The following FSD1L variants were observed in gnomAD, a reference collection of about 807,000 sequenced individuals.
FSD1L encodes the protein fibronectin type III and SPRY domain containing 1 like.
In FSD1L, 45 loss-of-function variants were observed where a neutral mutation model predicts 71.6. The ratio of observed to expected loss-of-function variants is 0.63; its 90% CI spans 0.49 to 0.81. The LOEUF is 0.81. FSD1L is among the 30% of genes least tolerant of loss of function. The pLI is 0.00. For synonymous variants in FSD1L, 197 were observed against 207.2 expected, an observed-to-expected ratio of 0.95 and a Z score of 0.42; for missense variants, 561 against 618.1, an observed-to-expected ratio of 0.91 and a Z score of 0.98.
intron 7 of FSD1L, among the ~76,000 whole-genome samples, chr9:105,501,463 A>G (rs1248335438): frequency 1.3e-5 from 2 of 151,938 alleles, no homozygotes; most frequent in African/African-American, 4.8e-5. Context: ...TTTCTCTATC[A>G]CCCAGGCTGG....
At chr9:105,451,576 G>C (rs986925465) in intron 1 of FSD1L, among the ~76,000 whole-genome samples, 1 of 152,224 alleles carries the variant, frequency 6.6e-6, no homozygotes, top group Non-Finnish European at 1.5e-5. Context: ...TAGGCATACT[G>C]TTGGATACAG....
At chr9:105,545,466 T>C (rs1836933241) in intron 13 of FSD1L, among the ~76,000 whole-genome samples, 2 of 146,946 alleles carry the variant, frequency 1.4e-5, no homozygotes, top group Admixed American at 6.7e-5. Flanking sequence ...CTATGTTGAA[T>C]AGGAGTGGTG....
At chr9:105,544,928 A>G (rs1257470139) in intron 13 of FSD1L, among the ~76,000 whole-genome samples, 6 of 152,272 alleles carry the variant, frequency 3.9e-5, no homozygotes, top group Middle Eastern at 3.4e-3. Flanking sequence ...TTGGTTCCAT[A>G]TTAACTTTAA....
chr9:105,454,842 T>C (rs1830267298), intron 1 of FSD1L, among the ~76,000 whole-genome samples: 1 of 152,238 alleles, frequency 6.6e-6, no homozygotes, highest in African/African-American at 2.4e-5. Context: ...TCTCAGCTGG[T>C]AAGCTAGACA....
the FSD1L span, among the ~76,000 whole-genome samples, chr9:105,442,691 G>GA: frequency 8.8e-4 from 124 of 140,890 alleles, no homozygotes; most frequent in Middle Eastern, 3.7e-3. Context: ...CTGTCTCAAA[G>GA]AAAAAAAAAA....
chr9:105,517,393 A>G (rs1291121973), intron 10 of FSD1L, among the ~76,000 whole-genome samples: 2 of 151,396 alleles, frequency 1.3e-5, no homozygotes, highest in Non-Finnish European at 3.0e-5. Flanking sequence ...CTAGGTTGAA[A>G]TGAAGGGCAG....
At chr9:105,447,867 G>A (rs927967336), upstream of FSD1L, 21 of 399,126 alleles carry the variant, frequency 5.3e-5, no homozygotes, top group Admixed American at 1.4e-4. Context: ...CGGAGAGACC[G>A]CTATCGCTGG....
chr9:105,521,920 A>T, intron 10 of FSD1L: 1 of 1,612,524 alleles, frequency 6.2e-7, no homozygotes. Context: ...GAACACACAG[A>T]TATGTGTAAA....
At chr9:105,451,611 A>G (rs1010427907) in intron 1 of FSD1L, among the ~76,000 whole-genome samples, 2 of 152,202 alleles carry the variant, frequency 1.3e-5, no homozygotes, top group African/African-American at 4.8e-5. Context: ...AACTCCTGGA[A>G]ATAAACAGAG....
chr9:105,451,860 C>G (rs1054845133), intron 1 of FSD1L, among the ~76,000 whole-genome samples: 1 of 152,122 alleles, frequency 6.6e-6, no homozygotes, highest in Non-Finnish European at 1.5e-5. Context: ...ACTTTTTGTA[C>G]AGATTATTCA....
intron 10 of FSD1L, chr9:105,521,459 T>A: frequency 6.2e-7 from 1 of 1,613,744 alleles, no homozygotes; most frequent in Non-Finnish European, 8.5e-7. Context: ...GAGTTTTTTC[T>A]TCTAAAAGGA....
chr9:105,521,551 T>C, intron 10 of FSD1L: 2 of 1,613,702 alleles, frequency 1.2e-6, no homozygotes, highest in Non-Finnish European at 1.7e-6. Flanking sequence ...AGAAAAGTGG[T>C]AAAAGTATAT....
rs1837152384 is a variant in FSD1L at position 105,548,884 on chromosome 9, G to GTTTT, written c.*2403_*2406dup. 6.6e-6 allele frequency: 1 copy of GTTTT among 151,950 alleles called. No homozygotes were observed. The highest frequency in any genetic ancestry group is 6.6e-5 in the Admixed American group (1 of 15,244). The allele number at this position is 151,950 out of a possible 1,614,324, so 9.4% of individuals were successfully genotyped here. ...CAAGATGTGGTTTTTTGTTTAAGACGTTTTTAGTTTATTTGTTGTTAAGTT... is the reference window on the plus strand; with the variant it reads ...CAAGATGTGGTTTTTTGTTTAAGACGTTTTTTTTTAGTTTATTTGTTGTTAAGTT... On this transcript the variant is annotated 3_prime_UTR_variant, in exon 14 of 14. Transcript: ENST00000481272.
intron 10 of FSD1L, among the ~76,000 whole-genome samples, chr9:105,518,339 C>T (rs1834869267): frequency 1.3e-5 from 2 of 152,150 alleles, no homozygotes; most frequent in Non-Finnish European, 1.5e-5. Context: ...ACTCTCCACC[C>T]GAAATCAACA....
intron 6 of FSD1L, among the ~76,000 whole-genome samples, chr9:105,483,873 A>G (rs1168142255): frequency 6.6e-6 from 1 of 152,106 alleles, no homozygotes; most frequent in Non-Finnish European, 1.5e-5. Flanking sequence ...TTTAGCAACT[A>G]CCAAACTATA....
rs2131708405 is a variant in FSD1L, at chr9:105,484,422, A to G, written c.506A>G (p.Lys169Arg). The part of the protein sequence containing the change: ...ASAFRLSLKP[K>R]VSDNMTHLMV... ...GCCTTTCGCCTTTCTTTGAAACCAAAGGTCAGTGACAACATGACTCATTTA... is the reference window on the plus strand; with the variant it reads ...GCCTTTCGCCTTTCTTTGAAACCAAGGGTCAGTGACAACATGACTCATTTA... The change falls in exon 7 of 14, where the codon AAG (lysine) becomes AGG (arginine). Residue 169 changes from lysine to arginine, a missense_variant. By Grantham distance (26) the Lys-to-Arg change is conservative. Transcript: ENST00000481272. 1 of 1,527,224 alleles carries G rather than the reference A, an allele frequency of 6.5e-7. No homozygotes were observed. Among genetic ancestry groups the G allele is most frequent in the Middle Eastern group, 1.7e-4 (1 of 5,932 alleles). The allele number at this position is 1,527,224 out of a possible 1,614,324, so 94.6% of individuals were successfully genotyped here.
intron 7 of FSD1L, 76 bp downstream of exon 7, chr9:105,484,578 G>A: frequency 2.1e-6 from 2 of 963,674 alleles, no homozygotes; most frequent in Non-Finnish European, 2.8e-6. Context: ...AGTGAACATT[G>A]GTTTGTAAAT....
At chr9:105,466,721 T>C (rs934168392) in intron 3 of FSD1L, among the ~76,000 whole-genome samples, 6 of 151,944 alleles carry the variant, frequency 3.9e-5, no homozygotes, top group Non-Finnish European at 7.4e-5. Context: ...TTATTTTAGC[T>C]ATCTTGAACT....
intron 10 of FSD1L, chr9:105,513,605 T>C (rs1463036566): frequency 1.2e-5 from 18 of 1,533,260 alleles, no homozygotes; most frequent in Non-Finnish European, 1.5e-5. Flanking sequence ...ACAGTGTCCA[T>C]GTTACTTCAC....
Sources: gnomAD v4.1 joint callset for allele counts (sites outside exome capture counted in the v4.1 genomes callset) on GRCh38, gnomAD v4.1.1 for gene constraint, MANE v1.5 for transcripts, NCBI Gene and HGNC (gene_info 2026-07-23, HGNC 2026-07-21) for gene names.